Variants in TRIM71 observed in about 807,000 individuals in gnomAD.
TRIM71 encodes E3 ubiquitin-protein ligase TRIM71.
TRIM71 carries 9 observed loss-of-function variants against 61.2 expected under a neutral mutation model. That is an observed-to-expected ratio of 0.15 (90% CI 0.09 to 0.26). The LOEUF (loss-of-function observed/expected upper bound fraction) is 0.26. Among genes scored for constraint, TRIM71 ranks in the 10% least tolerant of loss-of-function variants. TRIM71 has a pLI of 1.00. For synonymous variants in TRIM71, 645 were observed against 553.2 expected (o/e 1.17, Z -2.33); for missense variants, 998 against 1,238.7 (o/e 0.81, Z 2.92).
chr3:32,878,516 G>A (rs1171113227), intron 2 of TRIM71, among the ~76,000 whole-genome samples: 2 of 152,216 alleles, frequency 1.3e-5, no homozygotes, highest in African/African-American at 2.4e-5. Context: ...TTGGGAGGCT[G>A]AAGCAGGAGA....
intron 1 of TRIM71, 78 bp from the exon 2 acceptor site, chr3:32,873,740 A>G (rs888531874): frequency 7.4e-7 from 1 of 1,344,278 alleles, no homozygotes. Flanking sequence ...TGTGAGAGCC[A>G]GGGCCCTCCA....
intron 3 of TRIM71, among the ~76,000 whole-genome samples, chr3:32,886,634 G>T (rs1696964736): frequency 1.3e-5 from 2 of 152,218 alleles, no homozygotes; most frequent in African/African-American, 4.8e-5. Context: ...CAGAAAGGAG[G>T]AGAGTTAGGT....
Position 32,818,288 on chromosome 3 carries a change from C to A in TRIM71, c.208C>A (p.Leu70Ile). The A allele has an allele frequency of 7.0e-7, 1 of 1,432,170 alleles. No individual in the cohort carries two copies. The highest frequency in any genetic ancestry group is 9.1e-7 in the Non-Finnish European group (1 of 1,100,872). 88.7% of individuals were successfully genotyped at this position (1,432,170 alleles called of 1,614,324 possible). A position where few individuals can be genotyped will look rare whatever the true frequency, so the allele number is the denominator to read the frequency against. Residue 70 changes from leucine (L) to isoleucine (I), a missense_variant, in exon 1 of 4, where the codon CTC becomes ATC. Transcript: ENST00000383763. ...PCLHAFCRPC[L>I]EAHRLPAAGG... ...CCTGCACGCCTTCTGCCGCCCCTGC[C>A]TCGAGGCGCACCGGCTGCCGGCGGC...
At chr3:32,839,965 A>G (rs1035275078) in intron 1 of TRIM71, among the ~76,000 whole-genome samples, 14 of 152,174 alleles carry the variant, frequency 9.2e-5, no homozygotes, top group African/African-American at 3.4e-4. Flanking sequence ...CTACAAAGCA[A>G]ATGTTCAACT....
At chr3:32,824,236 G>GGT (rs918062886) in intron 1 of TRIM71, among the ~76,000 whole-genome samples, 4 of 148,644 alleles carry the variant, frequency 2.7e-5, no homozygotes, top group Non-Finnish European at 4.5e-5. Flanking sequence ...GGAGTGCGGT[G>GGT]GTGCAGTCTT....
intron 1 of TRIM71, among the ~76,000 whole-genome samples, chr3:32,867,850 G>A (rs576810073): frequency 1.7e-4 from 26 of 152,146 alleles, no homozygotes; most frequent in Middle Eastern, 6.8e-3. Context: ...CCAGAGCATC[G>A]TCTTGGATGT....
intron 1 of TRIM71, among the ~76,000 whole-genome samples, chr3:32,846,190 C>G (rs1455990795): frequency 1.3e-5 from 2 of 151,486 alleles, no homozygotes; most frequent in Non-Finnish European, 2.9e-5. Context: ...ATTCTCCTGC[C>G]TCAGCCTCCT....
At chr3:32,852,044 G>A (rs771021868) in intron 1 of TRIM71, among the ~76,000 whole-genome samples, 16 of 152,172 alleles carry the variant, frequency 1.1e-4, no homozygotes, top group Non-Finnish European at 1.9e-4. Flanking sequence ...CCTCTGGAGC[G>A]TGCCCGAGGG....
chr3:32,828,997 ATTTT>A (rs747345127), intron 1 of TRIM71, among the ~76,000 whole-genome samples: 1 of 138,694 alleles, frequency 7.2e-6, no homozygotes, highest in Non-Finnish European at 1.6e-5. Context: ...GAAAGCACTA[ATTTT>A]TTTTTTTTTT....
chr3:32,827,595 A>G (rs1430158603), intron 1 of TRIM71, among the ~76,000 whole-genome samples: 2 of 152,210 alleles, frequency 1.3e-5, no homozygotes, highest in Non-Finnish European at 1.5e-5. Flanking sequence ...TCATTTATCT[A>G]TAAGAGCTTC....
At chr3:32,826,713 TG>T (rs754439968) in intron 1 of TRIM71, among the ~76,000 whole-genome samples, 5 of 150,046 alleles carry the variant, frequency 3.3e-5, no homozygotes, top group African/African-American at 4.9e-5. Context: ...CCCAAAGTGC[TG>T]GGATTACAGG....
intron 1 of TRIM71, among the ~76,000 whole-genome samples, chr3:32,848,079 C>T (rs1696495540): frequency 1.3e-5 from 2 of 152,156 alleles, no homozygotes; most frequent in Non-Finnish European, 1.5e-5. Flanking sequence ...GTCCTGGACA[C>T]GCAGTCTTCC....
At chr3:32,822,530 T>C (rs1217985700) in intron 1 of TRIM71, among the ~76,000 whole-genome samples, 1 of 152,198 alleles carries the variant, frequency 6.6e-6, no homozygotes, top group African/African-American at 2.4e-5. Flanking sequence ...TGAATTTGTT[T>C]TGTATATTTT....
intron 2 of TRIM71, among the ~76,000 whole-genome samples, chr3:32,882,898 A>C (rs1188839480): frequency 6.6e-6 from 1 of 152,208 alleles, no homozygotes; most frequent in East Asian, 1.9e-4. Context: ...TTTCAATTTC[A>C]GATCTTGCCA....
Position 32,834,833 on chromosome 3 carries a change from T to TC in TRIM71, c.852+15903dup, listed in dbSNP as rs534041327. On this transcript the variant is annotated intron_variant, in intron 1 of 3. Coordinates refer to ENST00000383763, the MANE Select transcript of TRIM71 (RefSeq NM_001039111.3). ...CTCCAGCCTGGTGACAGAGCGAGAC[T>TC]CCATCTCAAAAAAAAAGGGGATGGT... Among the ~76,000 whole-genome samples the TC allele has an allele frequency of 8.4e-4, 128 of 152,136 alleles. 1 individual carries two copies. Among genetic ancestry groups the TC allele is most frequent in the African/African-American group, 2.9e-3 (121 of 41,518 alleles).
rs1308085075 is a variant in TRIM71 at position 32,890,805 on chromosome 3, A to T, written c.1601A>T (p.Asn534Ile). 1 of 1,614,122 alleles carries T rather than the reference A, an allele frequency of 6.2e-7. No individual in the cohort carries two copies. Among genetic ancestry groups the T allele is most frequent in the East Asian group, 2.2e-5 (1 of 44,874 alleles). ...MSAVVLGPDGNLFGAEVSDQQ... is the reference protein window; with the variant it reads ...MSAVVLGPDGILFGAEVSDQQ... ...GCTGTGGTCCTGGGCCCTGATGGCA[A>T]CCTGTTTGGTGCAGAGGTGAGTGAT... is the stretch of plus-strand genomic sequence containing the variant. Residue 534 changes from asparagine (N) to isoleucine (I), a missense_variant, in exon 4 of 4, where the codon AAC (asparagine) becomes ATC (isoleucine). Around this residue, in one of 5 missense-constraint regions of TRIM71, gnomAD observed 291 missense variants for 431.2 expected, o/e 0.67. Coordinates refer to ENST00000383763, the MANE Select transcript of TRIM71 (RefSeq NM_001039111.3). This position sits in a 1 kb window ranked among gnomAD's most constrained non-coding sequence, Gnocchi z 6.2.
At chr3:32,847,132 C>A (rs1297428408) in intron 1 of TRIM71, among the ~76,000 whole-genome samples, 1 of 151,458 alleles carries the variant, frequency 6.6e-6, no homozygotes, top group African/African-American at 2.4e-5. Context: ...TCAAGCGATT[C>A]TCCTGCCTTA....
chr3:32,818,569 C>A lies in TRIM71; in HGVS notation c.489C>A (p.Ser163=). 7.9e-7 allele frequency: 1 copy of A among 1,270,636 alleles called. No individual in the cohort carries two copies. Among genetic ancestry groups the A allele is most frequent in the Non-Finnish European group, 9.8e-7 (1 of 1,016,454 alleles). 78.7% of individuals were successfully genotyped at this position (1,270,636 alleles called of 1,614,324 possible). A position where few individuals can be genotyped will look rare whatever the true frequency, so the allele number is the denominator to read the frequency against. ...AHHAHPRASA[S]APPLPQAPQP... ...ACGCGCACCCGCGCGCGTCCGCCTC[C>A]GCGCCGCCACTCCCGCAGGCGCCGC... The change falls in exon 1 of 4, where the codon TCC becomes TCA. Residue 163 remains serine (S), a synonymous_variant. Transcript: ENST00000383763.
chr3:32,830,042 C>A (rs963872173), intron 1 of TRIM71, among the ~76,000 whole-genome samples: 1 of 150,968 alleles, frequency 6.6e-6, no homozygotes, highest in Non-Finnish European at 1.5e-5. Flanking sequence ...CATTCTCCTG[C>A]CTCCCCGGGT....
Sources: allele counts gnomAD v4.1 joint callset (sites outside exome capture counted in the v4.1 genomes callset), GRCh38; gene constraint gnomAD v4.1.1; regional missense constraint gnomAD v4.1.1; non-coding constraint Gnocchi (gnomAD v3.1); transcripts MANE v1.5; gene names NCBI Gene and HGNC (gene_info 2026-07-23, HGNC 2026-07-21).